The following CEP63 variants were observed in gnomAD, a reference collection of about 807,000 sequenced individuals.
The protein encoded by CEP63 is centrosomal protein 63, also known as centrosomal protein of 63 kDa.
Under a neutral mutation model 89.1 loss-of-function variants are expected in CEP63, and 84 were observed. That is an observed-to-expected ratio of 0.94 (90% CI 0.79 to 1.13). CEP63 has a LOEUF of 1.13. Ranked by LOEUF, CEP63 falls within the 50% of genes most tolerant of loss-of-function variation. The pLI, the probability that CEP63 is intolerant of heterozygous loss-of-function variation, is 0.00. For missense variants in CEP63, 838 were observed against 813.3 expected, an observed-to-expected ratio of 1.03 and a Z score of -0.37; for synonymous variants, 267 against 272.5, an observed-to-expected ratio of 0.98 and a Z score of 0.20.
intron 3 of CEP63, among the ~76,000 whole-genome samples, chr3:134,523,338 A>G (rs1947908391): frequency 6.6e-6 from 1 of 152,054 alleles, no homozygotes; most frequent in Non-Finnish European, 1.5e-5. Flanking sequence ...GTTTTCTTCC[A>G]TTCTATATGT....
chr3:134,557,172 C>T (rs752797185), intron 12 of CEP63, among the ~76,000 whole-genome samples: 8 of 151,754 alleles, frequency 5.3e-5, no homozygotes, highest in Admixed American at 1.3e-4. Flanking sequence ...TTTTAAAAAC[C>T]GATAATAGTT....
At chr3:134,696,681 C>T in the CEP63 span, among the ~76,000 whole-genome samples, 5 of 151,940 alleles carry the variant, frequency 3.3e-5, no homozygotes, top group African/African-American at 9.7e-5. Context: ...TCCATGCCCA[C>T]GTGTGTGTGT....
chr3:134,578,335 T>TG (rs1560077868), downstream of CEP63, among the ~76,000 whole-genome samples: 5,583 of 30,468 alleles, frequency 0.18, 158 homozygotes, highest in Non-Finnish European at 0.25. Context: ...TTTTTTTTTT[T>TG]TTTTTTTTTT....
At chr3:134,571,645 C>T (rs1958015586) in intron 11 of CEP63, among the ~76,000 whole-genome samples, 1 of 152,168 alleles carries the variant, frequency 6.6e-6, no homozygotes, top group Admixed American at 6.5e-5. Flanking sequence ...CGTGCCACTG[C>T]ACTCCAGCCT....
At chr3:134,760,161 C>G in the CEP63 span, among the ~76,000 whole-genome samples, 1 of 151,492 alleles carries the variant, frequency 6.6e-6, no homozygotes, top group South Asian at 2.1e-4. Context: ...CGGGTTCACG[C>G]CATTCTCCTG....
chr3:134,746,018 A>G, the CEP63 span, among the ~76,000 whole-genome samples: 2 of 150,402 alleles, frequency 1.3e-5, no homozygotes, highest in Non-Finnish European at 3.0e-5. Flanking sequence ...TGCACCCATT[A>G]ACTCATCATT....
At chr3:134,642,536 T>G in the CEP63 span, among the ~76,000 whole-genome samples, 1 of 151,684 alleles carries the variant, frequency 6.6e-6, no homozygotes, top group Admixed American at 6.6e-5. Context: ...CAGTCAACTG[T>G]AGTCAGTGAT....
the CEP63 span, among the ~76,000 whole-genome samples, chr3:134,626,706 G>T: frequency 7.2e-5 from 11 of 152,188 alleles, no homozygotes; most frequent in Non-Finnish European, 1.6e-4. Flanking sequence ...CCTCTTCTGG[G>T]CCAGCATGGT....
At chr3:134,530,208 T>C (rs1323666183) in intron 3 of CEP63, among the ~76,000 whole-genome samples, 1 of 152,210 alleles carries the variant, frequency 6.6e-6, no homozygotes, top group Non-Finnish European at 1.5e-5. Context: ...TAATATCGAC[T>C]CCCACATTGC....
At chr3:134,526,974 C>T (rs1319890655) in intron 3 of CEP63, among the ~76,000 whole-genome samples, 1 of 152,150 alleles carries the variant, frequency 6.6e-6, no homozygotes, top group African/African-American at 2.4e-5. Flanking sequence ...GTTAGGAATC[C>T]ACTGCATTGG....
the CEP63 span, chr3:134,651,044 C>T: frequency 6.3e-7 from 1 of 1,584,494 alleles, no homozygotes; most frequent in Non-Finnish European, 8.6e-7. Flanking sequence ...CGCAGCTGCC[C>T]CACACGGGAG....
the CEP63 span, among the ~76,000 whole-genome samples, chr3:134,665,702 C>CACAGAG: frequency 3.0e-4 from 31 of 102,380 alleles, no homozygotes; most frequent in African/African-American, 8.0e-4. Flanking sequence ...CACACACACA[C>CACAGAG]AGAGAGAGAG....
chr3:134,705,782 C>A, the CEP63 span, among the ~76,000 whole-genome samples: 4 of 152,136 alleles, frequency 2.6e-5, no homozygotes, highest in African/African-American at 9.7e-5. Flanking sequence ...CTCTCATTGT[C>A]CTGGAGGCTG....
intron 3 of CEP63, among the ~76,000 whole-genome samples, chr3:134,514,156 TAAA>T (rs1177898112): frequency 6.6e-6 from 1 of 151,990 alleles, no homozygotes; most frequent in African/African-American, 2.4e-5. Context: ...GAAAAAGAAT[TAAA>T]AACTGTAAAA....
the CEP63 span, among the ~76,000 whole-genome samples, chr3:134,738,349 A>T: frequency 1.3e-5 from 2 of 151,836 alleles, no homozygotes; most frequent in African/African-American, 4.8e-5. Context: ...ATGATTTTGC[A>T]ATCGTGAATT....
Position 134,528,510 on chromosome 3 carries a change from T to C in CEP63, c.223-3335T>C, listed in dbSNP as rs562204191. Among the ~76,000 whole-genome samples the C allele has an allele frequency of 2.0e-5, 3 of 152,096 alleles. No individual in the cohort carries two copies. In the East Asian group the frequency reaches 5.8e-4, roughly 29 times the overall value. Reference sequence around the variant, plus strand: ...CTGCAGGTGGGTCTTGTCTAACATGTGATAGAGGGCCAAAAGGCCACACTA... The same window carrying C: ...CTGCAGGTGGGTCTTGTCTAACATGCGATAGAGGGCCAAAAGGCCACACTA... On this transcript the variant is annotated intron_variant, in intron 3 of 14. Coordinates refer to ENST00000675561, the MANE Select transcript of CEP63 (RefSeq NM_001353108.3).
the CEP63 span, among the ~76,000 whole-genome samples, chr3:134,602,089 G>C: frequency 6.6e-6 from 1 of 152,200 alleles, no homozygotes; most frequent in Non-Finnish European, 1.5e-5. Context: ...GGCCTGTGGA[G>C]GGGCTGTGGG....
chr3:134,497,138 A>T (rs1305861858), intron 2 of CEP63, among the ~76,000 whole-genome samples: 12 of 151,626 alleles, frequency 7.9e-5, no homozygotes, highest in Non-Finnish European at 1.3e-4. Context: ...TTTGCTGTTG[A>T]GTTGTTTTTC....
At chr3:134,650,310 T>C in the CEP63 span, among the ~76,000 whole-genome samples, 3 of 152,190 alleles carry the variant, frequency 2.0e-5, no homozygotes, top group African/African-American at 7.2e-5. Flanking sequence ...CTTCCATCTA[T>C]AGGAGGCTGG....
Sources: gnomAD v4.1 joint callset for allele counts (sites outside exome capture counted in the v4.1 genomes callset) on GRCh38, gnomAD v4.1.1 for gene constraint, MANE v1.5 for transcripts, NCBI Gene and HGNC (gene_info 2026-07-23, HGNC 2026-07-21) for gene names.